The following ASMTL variants were observed in gnomAD, a reference collection of about 807,000 sequenced individuals.
The protein encoded by ASMTL is acetylserotonin O-methyltransferase like, also known as probable bifunctional dTTP/UTP pyrophosphatase/methyltransferase protein.
In ASMTL, 57 loss-of-function variants were observed where a neutral mutation model predicts 60.3. That is an observed-to-expected ratio of 0.95 (90% CI 0.76 to 1.18). The LOEUF (loss-of-function observed/expected upper bound fraction) is 1.18. Ranked by LOEUF, ASMTL falls within the 50% of genes most tolerant of loss-of-function variation. The pLI is 0.00. For missense variants in ASMTL, 981 were observed against 852.6 expected (o/e 1.15, Z -1.88); for synonymous variants, 419 against 373.0 (o/e 1.12, Z -1.42).
At chrX:1,410,534 C>T (rs1442231855) in intron 12 of ASMTL, among the ~76,000 whole-genome samples, 23 of 152,050 alleles carry the variant, frequency 1.5e-4, no homozygotes, top group Non-Finnish European at 2.6e-4. Flanking sequence ...CTCTCTCAGC[C>T]TCCTGAGTAG....
intron 3 of ASMTL, among the ~76,000 whole-genome samples, chrX:1,438,207 C>G (rs28607525): frequency 3.3e-5 from 5 of 151,408 alleles, no homozygotes; most frequent in African/African-American, 1.2e-4. Flanking sequence ...CGCTTGAACC[C>G]GGGAGGCGGA....
At chrX:1,420,394 CCT>C (rs2149300240) in intron 9 of ASMTL, among the ~76,000 whole-genome samples, 1 of 152,090 alleles carries the variant, frequency 6.6e-6, no homozygotes, top group East Asian at 1.9e-4. Context: ...TCTGTGTCTC[CCT>C]GTCTGTATGT....
At chrX:1,426,946 G>A (rs1376112716) in intron 7 of ASMTL, among the ~76,000 whole-genome samples, 2 of 151,906 alleles carry the variant, frequency 1.3e-5, no homozygotes, top group Non-Finnish European at 2.9e-5. Flanking sequence ...TCATGCCACT[G>A]CACTCCAGCC....
rs1320846786 is a variant in ASMTL, at chrX:1,403,169, C to T, written c.*100G>A. 3 of 964,602 alleles carry T rather than the reference C, an allele frequency of 3.1e-6. No homozygotes were observed. The highest frequency in any genetic ancestry group is 4.9e-6 in the Non-Finnish European group (3 of 611,350). 59.8% of individuals were successfully genotyped at this position (964,602 alleles called of 1,614,324 possible). On this transcript the variant is annotated 3_prime_UTR_variant, in exon 13 of 13. Coordinates refer to ENST00000381317, the MANE Select transcript of ASMTL (RefSeq NM_004192.4). ...TTTTGCTTTCTTTATTCAGTCACGA[C>T]TACACGCTCCTATGTGACTGTCCTA... is the stretch of plus-strand genomic sequence containing the variant.
intron 11 of ASMTL, among the ~76,000 whole-genome samples, chrX:1,416,348 G>GC (rs1569532073): frequency 2.0e-5 from 2 of 100,188 alleles, no homozygotes; most frequent in African/African-American, 6.8e-5. Context: ...TACAGATACA[G>GC]TGACAGGCAC....
chrX:1,425,081 T>C (rs1268852912), intron 8 of ASMTL, among the ~76,000 whole-genome samples: 1 of 151,960 alleles, frequency 6.6e-6, no homozygotes, highest in Non-Finnish European at 1.5e-5. Flanking sequence ...TCCATTTATA[T>C]ATCAACTCTA....
At chrX:1,442,032 A>T in intron 2 of ASMTL, 154 bp downstream of exon 2, 1 of 784,004 alleles carries the variant, frequency 1.3e-6, no homozygotes, top group Non-Finnish European at 2.1e-6. Context: ...TTACTGCAAT[A>T]GTGCATTACA....
At chrX:1,430,642 T>C (rs767063926) in intron 6 of ASMTL, among the ~76,000 whole-genome samples, 2 of 151,726 alleles carry the variant, frequency 1.3e-5, no homozygotes, top group South Asian at 4.2e-4. Context: ...CGTGGTGGTA[T>C]GCGTCTGCAG....
In ASMTL at chrX:1,417,972, CCTG is replaced by C. The variant is rs748158359; in HGVS notation, c.1520_1522del (p.Ala507del). ...GCAGGGTGAACAGGAGGAGGGCTCA[CCTG>C]CTGCGAAGTGGATCTGCACTGCCTG... On this transcript the variant is annotated inframe_deletion and splice_region_variant, in exon 11 of 13. Transcript: ENST00000381317. The C allele has an allele frequency of 7.5e-6, 12 of 1,606,002 alleles. No homozygotes were observed. Among genetic ancestry groups the C allele is most frequent in the Non-Finnish European group, 1.0e-5 (12 of 1,174,746 alleles).
chrX:1,434,889 C>G, intron 5 of ASMTL, 133 bp downstream of exon 5: 1 of 864,252 alleles, frequency 1.2e-6, no homozygotes, highest in Non-Finnish European at 1.9e-6. Context: ...CTTTCCCAAG[C>G]AGGACATAGG....
At chrX:1,406,720 A>T (rs1458082095) in intron 12 of ASMTL, among the ~76,000 whole-genome samples, 5 of 151,746 alleles carry the variant, frequency 3.3e-5, no homozygotes, top group African/African-American at 1.2e-4. Flanking sequence ...CATGAGATGG[A>T]TGGATTAGTG....
chrX:1,444,234 G>A (rs1477560632), intron 1 of ASMTL, among the ~76,000 whole-genome samples: 4 of 146,358 alleles, frequency 2.7e-5, no homozygotes, highest in African/African-American at 5.1e-5. Flanking sequence ...TTGAAACGGA[G>A]TCTCGCTGTG....
At chrX:1,441,438 A>G (rs2091104916) in intron 2 of ASMTL, among the ~76,000 whole-genome samples, 1 of 152,012 alleles carries the variant, frequency 6.6e-6, no homozygotes, top group Admixed American at 6.6e-5. Flanking sequence ...CACCACGCCC[A>G]GCTAATTTTT....
At chrX:1,438,282 C>CA (rs61300976) in intron 3 of ASMTL, among the ~76,000 whole-genome samples, 158 of 144,180 alleles carry the variant, frequency 1.1e-3, no homozygotes, top group African/African-American at 2.9e-3. Flanking sequence ...GACTCTCTCT[C>CA]AAAAAAAAAA....
At chrX:1,417,232 C>T (rs2090319757) in intron 11 of ASMTL, among the ~76,000 whole-genome samples, 1 of 151,102 alleles carries the variant, frequency 6.6e-6, no homozygotes, top group Admixed American at 6.6e-5. Context: ...GACACACAAC[C>T]ACAGCAGTCA....
chrX:1,419,023 G>A lies in ASMTL; in HGVS notation c.1337C>T (p.Ala446Val), dbSNP rs1347558857. 6.2e-7 allele frequency: 1 copy of A among 1,611,664 alleles called. No homozygotes were observed. Among genetic ancestry groups the A allele is most frequent in the Non-Finnish European group, 8.5e-7 (1 of 1,179,788 alleles). The change falls in exon 10 of 13, where the codon GCC becomes GTC. Residue 446 changes from alanine to valine, a missense_variant. Physicochemically the swap from Ala to Val is moderately conservative, Grantham distance 64 (BLOSUM62 0). Coordinates refer to ENST00000381317, the MANE Select transcript of ASMTL (RefSeq NM_004192.4). Reference sequence around the variant, plus strand: ...GGAGGAGAAGCGGGACAGATTGAAGGCCGTGGCCACCTGGCACGCAGTCAG... The same window carrying A: ...GGAGGAGAAGCGGGACAGATTGAAGACCGTGGCCACCTGGCACGCAGTCAG... ...TKLTACQVAT[A>V]FNLSRFSSAC... is the part of the protein sequence containing the mutation.
chrX:1,438,091 C>G (rs1447533714), intron 3 of ASMTL, among the ~76,000 whole-genome samples: 1 of 151,356 alleles, frequency 6.6e-6, no homozygotes, highest in East Asian at 2.0e-4. Context: ...GAGTTTGAGA[C>G]CAGCCTGGCC....
At chrX:1,416,075 A>G (rs1465626215) in intron 11 of ASMTL, among the ~76,000 whole-genome samples, 3 of 151,272 alleles carry the variant, frequency 2.0e-5, no homozygotes, top group African/African-American at 7.3e-5. Context: ...ACATGCACAG[A>G]TGGGCACACT....
chrX:1,433,506 A>AT (rs1166380919), intron 5 of ASMTL, among the ~76,000 whole-genome samples: 6 of 149,420 alleles, frequency 4.0e-5, no homozygotes, highest in African/African-American at 4.9e-5. Flanking sequence ...TCTACTAAAA[A>AT]AAAAAAAAAA....
Sources: gnomAD v4.1 joint callset for allele counts (sites outside exome capture counted in the v4.1 genomes callset) on GRCh38, gnomAD v4.1.1 for gene constraint, MANE v1.5 for transcripts, NCBI Gene and HGNC (gene_info 2026-07-23, HGNC 2026-07-21) for gene names.